PSMB2: variants seen among roughly 807,000 people sequenced by gnomAD.
The protein encoded by PSMB2 is proteasome subunit beta type-2.
Under a neutral mutation model 25.7 loss-of-function variants are expected in PSMB2, and 13 were observed. The ratio of observed to expected loss-of-function variants is 0.51; its 90% CI spans 0.33 to 0.80. The LOEUF (loss-of-function observed/expected upper bound fraction) is 0.80, where lower values mean the gene tolerates loss of function less well. Ranked by LOEUF, PSMB2 falls within the 30% of genes least tolerant of loss-of-function variation. PSMB2 has a pLI of 0.02. For missense variants in PSMB2, 202 were observed against 259.0 expected, an observed-to-expected ratio of 0.78 and a Z score of 1.51; for synonymous variants, 87 against 96.2, an observed-to-expected ratio of 0.90 and a Z score of 0.56.
At chr1:35,616,393 TTTTG>T (rs1346444682) in intron 3 of PSMB2, among the ~76,000 whole-genome samples, 1 of 152,224 alleles carries the variant, frequency 6.6e-6, no homozygotes, top group Non-Finnish European at 1.5e-5. Flanking sequence ...ATTTTAAGGA[TTTTG>T]TTTGTTTATT....
At position 35,600,977 on chromosome 1, in the gene PSMB2, A is replaced by T; in HGVS notation, c.*2290T>A. ...AGGTGCTATTTCAGTCATTGTACAG[A>T]TGGGAAAATCATGTAGCAGGATAGT... On this transcript the variant is annotated 3_prime_UTR_variant, in exon 6 of 6. Transcript: ENST00000373237. 1 of 983,582 alleles carries T rather than the reference A, an allele frequency of 1.0e-6. No individual in the cohort carries two copies. The highest frequency in any genetic ancestry group is 5.2e-4 in the Middle Eastern group (1 of 1,910). The allele number at this position is 983,582 out of a possible 1,614,324, so 60.9% of individuals were successfully genotyped here.
rs1649954063 is a variant in PSMB2, at chr1:35,600,352, A to C, written c.*2915T>G. The C allele has an allele frequency of 1.2e-6, 1 of 849,910 alleles. No homozygotes were observed. The highest frequency in any genetic ancestry group is 1.8e-5 in the African/African-American group (1 of 54,324). 52.6% of individuals were successfully genotyped at this position (849,910 alleles called of 1,614,324 possible). On this transcript the variant is annotated 3_prime_UTR_variant, in exon 6 of 6. Coordinates refer to ENST00000373237, the MANE Select transcript of PSMB2 (RefSeq NM_002794.5). The stretch of plus-strand genomic sequence containing the variant: ...TCTGAATAAAGCCTGGAGCTTAGTA[A>C]TACTAATACACCAACCAATGTTGGT...
At position 35,603,504 on chromosome 1, in the gene PSMB2, G is replaced by A. The variant is rs916140462; in HGVS notation, c.499-130C>T. ...TTTGTGGAACTGATATTCTACTGGA[G>A]GCAGTTGGCAGTAGGGCACTAGTAC... On this transcript the variant is annotated intron_variant, in intron 5 of 5. Coordinates refer to ENST00000373237, the MANE Select transcript of PSMB2 (RefSeq NM_002794.5). 13 of 1,095,980 alleles carry A rather than the reference G, an allele frequency of 1.2e-5. No homozygotes were observed. The African/African-American group carries it at 2.0e-4, about 17-fold the overall frequency. The allele number at this position is 1,095,980 out of a possible 1,614,324, so 67.9% of individuals were successfully genotyped here.
chr1:35,623,465 G>A (rs751837436), intron 3 of PSMB2, among the ~76,000 whole-genome samples: 16 of 152,156 alleles, frequency 1.1e-4, no homozygotes, highest in Non-Finnish European at 2.1e-4. Flanking sequence ...CTTGGTTTTC[G>A]TTTTTTATTT....
chr1:35,606,633 TTA>T (rs1650178025), intron 4 of PSMB2, among the ~76,000 whole-genome samples: 1 of 152,066 alleles, frequency 6.6e-6, no homozygotes, highest in Non-Finnish European at 1.5e-5. Flanking sequence ...CCAAAGAAAT[TTA>T]TATATTCAAT....
chr1:35,622,871 A>C (rs1426868189), intron 3 of PSMB2, among the ~76,000 whole-genome samples: 4 of 152,114 alleles, frequency 2.6e-5, no homozygotes, highest in African/African-American at 9.7e-5. Context: ...AGTAACTTTC[A>C]AATAATCTTC....
At chr1:35,625,618 C>G (rs1650832471) in intron 3 of PSMB2, among the ~76,000 whole-genome samples, 1 of 151,768 alleles carries the variant, frequency 6.6e-6, no homozygotes, top group African/African-American at 2.4e-5. Context: ...AAAAAGTAGC[C>G]AGGCATGGTG....
intron 2 of PSMB2, among the ~76,000 whole-genome samples, chr1:35,633,377 C>T (rs1651156153): frequency 6.6e-6 from 1 of 152,092 alleles, no homozygotes; most frequent in Non-Finnish European, 1.5e-5. Context: ...TCTTTCTTTC[C>T]CTTATTTTAG....
chr1:35,619,625 A>G (rs1294118456), intron 3 of PSMB2, among the ~76,000 whole-genome samples: 2 of 152,218 alleles, frequency 1.3e-5, no homozygotes, highest in Non-Finnish European at 2.9e-5. Flanking sequence ...TGTATATTTC[A>G]ATTTTTAACT....
chr1:35,638,833 C>G (rs1475695084), intron 1 of PSMB2, among the ~76,000 whole-genome samples: 1 of 152,206 alleles, frequency 6.6e-6, no homozygotes, highest in Non-Finnish European at 1.5e-5. Flanking sequence ...AAGTGACATA[C>G]TGGACAATTG....
At position 35,603,386 on chromosome 1, in the gene PSMB2, C is replaced by T. The variant is rs1429461226; in HGVS notation, c.499-12G>A. The T allele has an allele frequency of 1.2e-6, 2 of 1,613,658 alleles. No individual in the cohort carries two copies. The highest frequency in any genetic ancestry group is 1.3e-5 in the African/African-American group (1 of 74,878). On this transcript the variant is annotated splice_polypyrimidine_tract_variant and intron_variant, in intron 5 of 5. Transcript: ENST00000373237. ...AAGCGTTTCTGGAGCTGCAGAGAGA[C>T]ATGGAGGAAATCAGTCAACAAATGA...
intron 3 of PSMB2, among the ~76,000 whole-genome samples, chr1:35,622,274 T>C (rs1293660504): frequency 6.6e-6 from 1 of 152,124 alleles, no homozygotes; most frequent in Non-Finnish European, 1.5e-5. Flanking sequence ...TTGTGTGTGT[T>C]TGTATCTGTG....
rs146114126 is a variant in PSMB2 at position 35,601,263 on chromosome 1, G to A, written c.*2004C>T. On this transcript the variant is annotated 3_prime_UTR_variant, in exon 6 of 6. Transcript: ENST00000373237. ...TATATATTTTTTTAGTAGAGATGGG[G>A]TTTCACCATGTTGGCCAGGCTGGTC... 2 of 666,706 alleles carry A rather than the reference G, an allele frequency of 3.0e-6. No individual in the cohort carries two copies. The highest frequency in any genetic ancestry group is 3.9e-5 in the African/African-American group (2 of 50,656). 41.3% of individuals were successfully genotyped at this position (666,706 alleles called of 1,614,324 possible).
intron 3 of PSMB2, among the ~76,000 whole-genome samples, chr1:35,623,164 GCCACCCCCAAT>G (rs990914220): frequency 1.3e-5 from 2 of 152,214 alleles, no homozygotes; most frequent in African/African-American, 4.8e-5. Flanking sequence ...GCCAACATGA[GCCACCCCCAAT>G]CCTAAGAGAC....
intron 3 of PSMB2, among the ~76,000 whole-genome samples, chr1:35,623,424 A>G (rs1317097306): frequency 6.6e-6 from 1 of 152,218 alleles, no homozygotes; most frequent in Non-Finnish European, 1.5e-5. Flanking sequence ...TGCTGCTTGC[A>G]CTGACAGTCC....
chr1:35,603,136 G>A lies in PSMB2; in HGVS notation c.*131C>T, dbSNP rs938975167. On this transcript the variant is annotated 3_prime_UTR_variant, in exon 6 of 6. Transcript: ENST00000373237. The stretch of plus-strand genomic sequence containing the variant: ...GGTAAACTGAGACCTGGACCAGAGG[G>A]CTCAATTATATCCATAGTCACCTTT... 4.9e-6 allele frequency: 7 copies of A among 1,442,182 alleles called. No individual in the cohort carries two copies. Among genetic ancestry groups the A allele is most frequent in the Middle Eastern group, 2.3e-4 (1 of 4,324 alleles). 89.3% of individuals were successfully genotyped at this position (1,442,182 alleles called of 1,614,324 possible).
chr1:35,631,575 A>C, intron 2 of PSMB2: 2 of 1,170,416 alleles, frequency 1.7e-6, no homozygotes, highest in Non-Finnish European at 2.2e-6. Flanking sequence ...CCAGTTCTAT[A>C]GTGGAATGAA....
In PSMB2 at chr1:35,615,192, C is replaced by T. The variant is rs1442544142; in HGVS notation, c.286-5784G>A. Among the ~76,000 whole-genome samples, 2 of 152,172 alleles carry T rather than the reference C, an allele frequency of 1.3e-5. 1 individual carries two copies. The highest frequency in any genetic ancestry group is 1.3e-4 in the Admixed American group (2 of 15,276). On this transcript the variant is annotated intron_variant, in intron 3 of 5. Coordinates refer to ENST00000373237, the MANE Select transcript of PSMB2 (RefSeq NM_002794.5). ...GGCTACAGAGAGCCAATAAAATTGT[C>T]CAACTTTTGTTGGTTACTAAAAGAT...
intron 3 of PSMB2, among the ~76,000 whole-genome samples, chr1:35,624,954 G>A (rs778182603): frequency 4.6e-5 from 7 of 151,902 alleles, no homozygotes; most frequent in East Asian, 1.9e-4. Flanking sequence ...CCAGCTATTC[G>A]GGAGGCTGAG....
Sources: gnomAD v4.1 joint callset for allele counts (sites outside exome capture counted in the v4.1 genomes callset) on GRCh38, gnomAD v4.1.1 for gene constraint, MANE v1.5 for transcripts, NCBI Gene and HGNC (gene_info 2026-07-23, HGNC 2026-07-21) for gene names.